ABCA9: variants seen among roughly 807,000 people sequenced by gnomAD.
The protein encoded by ABCA9 is ATP-binding cassette sub-family A member 9.
A neutral mutation model predicts 205.3 loss-of-function variants in ABCA9; 183 were observed. That is an observed-to-expected ratio of 0.89 (90% CI 0.79 to 1.01). The LOEUF is 1.01. ABCA9 is among the 50% of genes least tolerant of loss of function. ABCA9 has a pLI of 0.00. For missense variants in ABCA9, 1,805 were observed against 1,912.4 expected (o/e 0.94, Z 1.05); for synonymous variants, 651 against 683.3 (o/e 0.95, Z 0.74).
intron 26 of ABCA9, among the ~76,000 whole-genome samples, chr17:68,994,473 C>T (rs773932851): frequency 2.0e-5 from 3 of 152,222 alleles, no homozygotes; most frequent in Non-Finnish European, 4.4e-5. Context: ...AAGAGAAACT[C>T]TCTACTTTGC....
At chr17:69,073,282 A>G in the ABCA9 span, among the ~76,000 whole-genome samples, 1 of 152,182 alleles carries the variant, frequency 6.6e-6, no homozygotes, top group South Asian at 2.1e-4. Flanking sequence ...TCCACCCTCC[A>G]TCCAACAGAA....
chr17:69,048,866 C>T (rs978901063), intron 3 of ABCA9, among the ~76,000 whole-genome samples: 1 of 152,082 alleles, frequency 6.6e-6, no homozygotes, highest in South Asian at 2.1e-4. Flanking sequence ...TGTGTCCCAC[C>T]CACATATATA....
intron 28 of ABCA9, among the ~76,000 whole-genome samples, 175 bp from the exon 29 acceptor site, chr17:68,991,132 G>GT (rs1555627010): frequency 6.6e-6 from 1 of 152,184 alleles, no homozygotes; most frequent in Non-Finnish European, 1.5e-5. Context: ...CCTTCAGTGA[G>GT]TAGAGTAATG....
intron 37 of ABCA9, among the ~76,000 whole-genome samples, chr17:68,980,975 G>A (rs186758353): frequency 1.2e-4 from 18 of 151,006 alleles, no homozygotes; most frequent in Admixed American, 3.3e-4. Context: ...GAATCTAGAG[G>A]ACATTTTGCT....
rs1007214180 is a variant in ABCA9, at chr17:69,060,594, G to A, written c.-14+272C>T. On this transcript the variant is annotated intron_variant, in intron 1 of 38. Coordinates refer to ENST00000340001, the MANE Select transcript of ABCA9 (RefSeq NM_080283.4). The stretch of plus-strand genomic sequence containing the variant: ...CATACTTGTAAAGAAGCAACATAAC[G>A]TGACATTTCTTTTGATTTATTCAAT... Among the ~76,000 whole-genome samples, 5 of 150,522 alleles carry A rather than the reference G, an allele frequency of 3.3e-5. No individual in the cohort carries two copies. The South Asian group carries it at 1.0e-3, about 31-fold the overall frequency.
intron 1 of ABCA9, among the ~76,000 whole-genome samples, chr17:69,056,168 G>A (rs1400641028): frequency 1.3e-5 from 2 of 152,020 alleles, no homozygotes. Flanking sequence ...TAAAAATTAT[G>A]ATAGAAATCA....
At chr17:69,001,170 G>A (rs1361714777) in intron 25 of ABCA9, among the ~76,000 whole-genome samples, 3 of 151,488 alleles carry the variant, frequency 2.0e-5, no homozygotes, top group Non-Finnish European at 4.4e-5. Context: ...AATAGGAGTG[G>A]TGAGAGAGGG....
At chr17:69,064,124 T>C (rs1024107224), upstream of ABCA9, among the ~76,000 whole-genome samples, 1 of 152,348 alleles carries the variant, frequency 6.6e-6, no homozygotes, top group Non-Finnish European at 1.5e-5. Context: ...GGGATGTAAG[T>C]CCTTTGGTTA....
At chr17:69,017,062 T>C (rs1436912855) in intron 21 of ABCA9, among the ~76,000 whole-genome samples, 1 of 152,106 alleles carries the variant, frequency 6.6e-6, no homozygotes, top group African/African-American at 2.4e-5. Context: ...AAAAATAAAC[T>C]TAAGATATAA....
chr17:69,067,382 C>G, the ABCA9 span, among the ~76,000 whole-genome samples: 1 of 151,668 alleles, frequency 6.6e-6, no homozygotes, highest in Admixed American at 6.6e-5. Context: ...CCTGTCTCTA[C>G]AAAAAATACC....
intron 6 of ABCA9, 112 bp downstream of exon 6, chr17:69,043,377 G>T: frequency 2.6e-6 from 2 of 779,686 alleles, no homozygotes; most frequent in Non-Finnish European, 4.1e-6. Flanking sequence ...ACTGGCCATG[G>T]ACCAGTAGCA....
intron 3 of ABCA9, among the ~76,000 whole-genome samples, chr17:69,047,623 A>C (rs773723457): frequency 3.3e-5 from 5 of 152,062 alleles, no homozygotes; most frequent in Admixed American, 1.3e-4. Flanking sequence ...CCATGCTATC[A>C]TTCTTTGTTC....
At chr17:69,006,162 A>G (rs932983486) in intron 25 of ABCA9, among the ~76,000 whole-genome samples, 1 of 152,188 alleles carries the variant, frequency 6.6e-6, no homozygotes, top group Non-Finnish European at 1.5e-5. Context: ...GGCATCCCCC[A>G]TATCATCCCC....
chr17:69,070,269 A>C, the ABCA9 span, among the ~76,000 whole-genome samples: 1 of 152,208 alleles, frequency 6.6e-6, no homozygotes, highest in Admixed American at 6.5e-5. Context: ...AAAAAAATAC[A>C]AAAATTAAAA....
intron 37 of ABCA9, among the ~76,000 whole-genome samples, chr17:68,978,719 A>G (rs147748920): frequency 0.05 from 7,647 of 152,206 alleles, 278 homozygotes; most frequent in Non-Finnish European, 0.076. Flanking sequence ...TTTCTCCTTC[A>G]CTTATGAAGC....
At position 69,003,947 on chromosome 17, in the gene ABCA9, G is replaced by A. The variant is rs190662664; in HGVS notation, c.3435+3812C>T. On this transcript the variant is annotated intron_variant, in intron 25 of 38. Transcript: ENST00000340001. ...CTTCTGCATTCTTCACGTAGTTCTC[G>A]AGCCTTGGTTTTCAGCTCTATCAGC... 2.8e-3 allele frequency among the ~76,000 whole-genome samples: 427 copies of A among 152,098 alleles called. 3 individuals carry two copies. The highest frequency in any genetic ancestry group is 4.9e-3 in the Admixed American group (75 of 15,288).
intron 27 of ABCA9, 200 bp downstream of exon 27, chr17:68,992,816 A>G: frequency 2.5e-6 from 1 of 407,516 alleles, no homozygotes; most frequent in South Asian, 3.2e-5. Context: ...TCTGTCTCAA[A>G]AAAAAAAAAG....
chr17:69,061,885 C>A (rs903686392), upstream of ABCA9, among the ~76,000 whole-genome samples: 2 of 152,154 alleles, frequency 1.3e-5, no homozygotes, highest in Non-Finnish European at 1.5e-5. Flanking sequence ...CTGTTAAATT[C>A]TTCAGTACTG....
upstream of ABCA9, chr17:69,061,137 T>C: frequency 1.0e-6 from 1 of 985,400 alleles, no homozygotes; most frequent in South Asian, 4.7e-5. Flanking sequence ...GAGTTTGTAG[T>C]TGCAGATGGT....
Sources: allele counts gnomAD v4.1 joint callset (sites outside exome capture counted in the v4.1 genomes callset), GRCh38; gene constraint gnomAD v4.1.1; transcripts MANE v1.5; gene names NCBI Gene and HGNC (gene_info 2026-07-23, HGNC 2026-07-21).